PPP2R3A: variants seen among roughly 807,000 people sequenced by gnomAD.
PPP2R3A encodes serine/threonine-protein phosphatase 2A regulatory subunit B'' subunit alpha.
PPP2R3A carries 80 observed loss-of-function variants against 106.9 expected under a neutral mutation model. The observed-to-expected ratio is 0.75, with a 90% CI of 0.62 to 0.90. The LOEUF is 0.90. PPP2R3A is among the 40% of genes least tolerant of loss of function. PPP2R3A has a pLI of 0.00. For synonymous variants in PPP2R3A, 483 were observed against 468.3 expected (o/e 1.03, Z -0.41); for missense variants, 1,386 against 1,350.4 (o/e 1.03, Z -0.41).
chr3:136,093,437 G>A (rs968036563), intron 10 of PPP2R3A, among the ~76,000 whole-genome samples: 1 of 152,100 alleles, frequency 6.6e-6, no homozygotes, highest in African/African-American at 2.4e-5. Context: ...ATACTTTTGT[G>A]CATCAAAAGA....
rs80259462 is a variant in PPP2R3A, at chr3:136,050,119, A to G, written c.2469+758A>G. Among the ~76,000 whole-genome samples the G allele has an allele frequency of 2.9e-3, 444 of 152,334 alleles. 5 individuals carry two copies. The East Asian group carries it at 0.047, about 16-fold the overall frequency. On this transcript the variant is annotated intron_variant, in intron 5 of 13. Transcript: ENST00000264977. ...TCAGCTGAGATTAGTAATTTATTTT[A>G]GTAGCATAGACTCTATATGTACTTA...
At chr3:135,992,043 T>G (rs1310637214) in intron 1 of PPP2R3A, among the ~76,000 whole-genome samples, 2 of 152,142 alleles carry the variant, frequency 1.3e-5, no homozygotes, top group Non-Finnish European at 2.9e-5. Flanking sequence ...CTCAACTATA[T>G]TAATTTTATT....
At chr3:136,085,841 C>G (rs1001935989) in intron 8 of PPP2R3A, among the ~76,000 whole-genome samples, 2 of 151,900 alleles carry the variant, frequency 1.3e-5, no homozygotes, top group Admixed American at 6.6e-5. Flanking sequence ...AATACCAGCA[C>G]TTTGGGAGGC....
intron 2 of PPP2R3A, among the ~76,000 whole-genome samples, chr3:136,011,732 C>T (rs992528354): frequency 6.6e-5 from 10 of 152,154 alleles, no homozygotes; most frequent in African/African-American, 2.4e-4. Flanking sequence ...CTTGAGATTG[C>T]CAGCAAACCG....
chr3:136,138,901 G>A (rs2108031450), intron 13 of PPP2R3A, among the ~76,000 whole-genome samples: 1 of 151,758 alleles, frequency 6.6e-6, no homozygotes, highest in African/African-American at 2.4e-5. Flanking sequence ...AGTAGAGACA[G>A]GGTTTCTCCA....
chr3:136,008,582 G>A (rs1933928720), intron 2 of PPP2R3A, among the ~76,000 whole-genome samples: 1 of 152,174 alleles, frequency 6.6e-6, no homozygotes, highest in Admixed American at 6.5e-5. Flanking sequence ...TATATGTACT[G>A]ATGTAGAAGG....
intron 10 of PPP2R3A, among the ~76,000 whole-genome samples, chr3:136,100,660 G>C (rs766279392): frequency 1.3e-4 from 20 of 152,002 alleles, no homozygotes; most frequent in African/African-American, 4.8e-4. Context: ...CTGGGCAATA[G>C]AGTGATAGAG....
chr3:136,030,905 A>G (rs1202968177), intron 3 of PPP2R3A, among the ~76,000 whole-genome samples: 3 of 151,600 alleles, frequency 2.0e-5, no homozygotes, highest in Non-Finnish European at 4.4e-5. Flanking sequence ...CATTTTTGCA[A>G]TTGCGAATTG....
At chr3:136,096,904 G>C (rs1171544366) in intron 10 of PPP2R3A, among the ~76,000 whole-genome samples, 1 of 152,218 alleles carries the variant, frequency 6.6e-6, no homozygotes, top group Admixed American at 6.5e-5. Flanking sequence ...AGGTGAGGAA[G>C]GTTGCAGTGA....
intron 1 of PPP2R3A, 60 bp from the exon 2 acceptor site, chr3:136,000,999 G>C: frequency 2.5e-6 from 1 of 395,158 alleles, no homozygotes; most frequent in Non-Finnish European, 4.5e-6. Context: ...TGCAAAGAAA[G>C]AGGAAATCAA....
chr3:135,967,358 G>A (rs908953664), intron 1 of PPP2R3A, among the ~76,000 whole-genome samples: 2 of 152,164 alleles, frequency 1.3e-5, no homozygotes, highest in African/African-American at 4.8e-5. Context: ...TGAACATTGA[G>A]CAGTTAAAGA....
At chr3:136,090,745 C>A in intron 10 of PPP2R3A, 78 bp downstream of exon 10, 1 of 1,122,260 alleles carries the variant, frequency 8.9e-7, no homozygotes, top group Non-Finnish European at 1.3e-6. Context: ...TATATTATAC[C>A]TAGTGAGGCC....
chr3:135,986,017 A>G (rs775053500), intron 1 of PPP2R3A, among the ~76,000 whole-genome samples: 27 of 152,156 alleles, frequency 1.8e-4, no homozygotes, highest in Non-Finnish European at 2.6e-4. Flanking sequence ...TGGAGAGCAC[A>G]CAGGGAGAAT....
At chr3:136,074,701 G>C (rs1307706851) in intron 6 of PPP2R3A, among the ~76,000 whole-genome samples, 1 of 152,198 alleles carries the variant, frequency 6.6e-6, no homozygotes, top group Non-Finnish European at 1.5e-5. Flanking sequence ...GATATATTCA[G>C]TATCTTGATT....
intron 5 of PPP2R3A, among the ~76,000 whole-genome samples, chr3:136,060,159 T>G (rs1312520811): frequency 6.6e-6 from 1 of 152,158 alleles, no homozygotes; most frequent in East Asian, 1.9e-4. Context: ...ACGGTATATA[T>G]ACACAATGAA....
chr3:135,996,213 T>C (rs1933392525), intron 1 of PPP2R3A, among the ~76,000 whole-genome samples: 1 of 152,224 alleles, frequency 6.6e-6, no homozygotes, highest in Non-Finnish European at 1.5e-5. Flanking sequence ...CAATAATTAA[T>C]GTGATTCTGG....
At position 136,060,282 on chromosome 3, in the gene PPP2R3A, C is replaced by A. The variant is rs138807091; in HGVS notation, c.2470-10196C>A. 2.3e-3 allele frequency among the ~76,000 whole-genome samples: 353 copies of A among 152,254 alleles called. 2 individuals carry two copies. Among genetic ancestry groups the A allele is most frequent in the Non-Finnish European group, 4.3e-3 (290 of 68,020 alleles). On this transcript the variant is annotated intron_variant, in intron 5 of 13. Coordinates refer to ENST00000264977, the MANE Select transcript of PPP2R3A (RefSeq NM_002718.5). The stretch of plus-strand genomic sequence containing the variant: ...GCCAGGCACAGAAAGACAAATACTA[C>A]GTGATCTCACTTATATGTAAATCTA...
intron 13 of PPP2R3A, among the ~76,000 whole-genome samples, chr3:136,139,977 G>A (rs1199862780): frequency 2.8e-5 from 4 of 145,058 alleles, no homozygotes; most frequent in Non-Finnish European, 6.0e-5. Context: ...CTGCACTCCA[G>A]TCTGAGCAAC....
chr3:136,019,047 G>A (rs947140896), intron 2 of PPP2R3A, among the ~76,000 whole-genome samples: 2 of 152,168 alleles, frequency 1.3e-5, no homozygotes, highest in Non-Finnish European at 2.9e-5. Flanking sequence ...CTCTCTTATC[G>A]TTGTCATCCT....
Sources: allele counts gnomAD v4.1 joint callset (sites outside exome capture counted in the v4.1 genomes callset), GRCh38; gene constraint gnomAD v4.1.1; transcripts MANE v1.5; gene names NCBI Gene and HGNC (gene_info 2026-07-23, HGNC 2026-07-21).